The following HS6ST3 variants were observed in gnomAD, a reference collection of about 807,000 sequenced individuals.
The protein encoded by HS6ST3 is heparan-sulfate 6-O-sulfotransferase 3.
A neutral mutation model predicts 36.7 loss-of-function variants in HS6ST3; 12 were observed. That is an observed-to-expected ratio of 0.33 (90% CI 0.21 to 0.53). HS6ST3 has a LOEUF of 0.53. HS6ST3 is among the 20% of genes least tolerant of loss of function. The probability of loss-of-function intolerance (pLI) is 0.95; values close to 1 mark genes in which losing one functional copy is unlikely to be tolerated. For missense variants in HS6ST3, 584 were observed against 640.9 expected, an observed-to-expected ratio of 0.91 and a Z score of 0.96; for synonymous variants, 240 against 257.5, an observed-to-expected ratio of 0.93 and a Z score of 0.65.
At chr13:96,494,304 A>G (rs1219263964) in intron 1 of HS6ST3, among the ~76,000 whole-genome samples, 1 of 150,248 alleles carries the variant, frequency 6.7e-6, no homozygotes, top group Admixed American at 6.7e-5. Flanking sequence ...CAAAAAACCA[A>G]ACACCGCCTG....
At chr13:96,253,156 T>C (rs933297567) in intron 1 of HS6ST3, among the ~76,000 whole-genome samples, 1 of 151,940 alleles carries the variant, frequency 6.6e-6, no homozygotes, top group African/African-American at 2.4e-5. Flanking sequence ...TGGGTGGGCC[T>C]CTTGGTGGAG....
intron 1 of HS6ST3, among the ~76,000 whole-genome samples, chr13:96,775,868 C>CA (rs1877376425): frequency 6.6e-6 from 1 of 152,086 alleles, no homozygotes; most frequent in Non-Finnish European, 1.5e-5. Context: ...CTCTTCACCC[C>CA]AAAATCAAAT....
In HS6ST3 at chr13:96,706,413, T is replaced by TTATATATATATATATATA. The variant is rs3052119; in HGVS notation, c.708-126066_708-126049dup. Among the ~76,000 whole-genome samples, 489 of 120,896 alleles carry TTATATATATATATATATA rather than the reference T, an allele frequency of 4.0e-3. 6 individuals carry two copies. The highest frequency in any genetic ancestry group is 0.012 in the African/African-American group (328 of 28,216). The allele number at this position is 120,896 out of a possible 152,430, so 79.3% of individuals were successfully genotyped here. ...TATATAAAATATAATAGAATATATT[T>TTATATATATATATATATA]TATATATATATATATATATATATAT... On this transcript the variant is annotated intron_variant, in intron 1 of 1. Coordinates refer to ENST00000376705, the MANE Select transcript of HS6ST3 (RefSeq NM_153456.4).
intron 1 of HS6ST3, among the ~76,000 whole-genome samples, chr13:96,801,327 A>G (rs1594863475): frequency 6.6e-6 from 1 of 152,246 alleles, no homozygotes; most frequent in East Asian, 1.9e-4. Context: ...TCAGATAAAA[A>G]TACTCTTATT....
At chr13:96,781,815 T>G (rs1377438164) in intron 1 of HS6ST3, among the ~76,000 whole-genome samples, 1 of 152,248 alleles carries the variant, frequency 6.6e-6, no homozygotes, top group African/African-American at 2.4e-5. Flanking sequence ...ATGATCATGT[T>G]TAGCTAAAAT....
chr13:96,713,475 G>A (rs994290197), intron 1 of HS6ST3, among the ~76,000 whole-genome samples: 1 of 152,112 alleles, frequency 6.6e-6, no homozygotes, highest in Non-Finnish European at 1.5e-5. Context: ...ATGCATTAAA[G>A]CCCATTTTTA....
At chr13:96,290,445 G>A (rs1026853749) in intron 1 of HS6ST3, among the ~76,000 whole-genome samples, 1 of 152,160 alleles carries the variant, frequency 6.6e-6, no homozygotes, top group Non-Finnish European at 1.5e-5. Context: ...ACCCTGACAA[G>A]GTGAGTGACC....
Position 96,833,474 on chromosome 13 carries a change from A to T in HS6ST3, c.*276A>T. On this transcript the variant is annotated 3_prime_UTR_variant, in exon 2 of 2. Coordinates refer to ENST00000376705, the MANE Select transcript of HS6ST3 (RefSeq NM_153456.4). ...AGGCCAAGGAGAGCCACACCGAAAA[A>T]GGAGACAGTTCCTGTGATCTCCTTT... 2.8e-6 allele frequency: 1 copy of T among 354,388 alleles called. No homozygotes were observed. 22.0% of individuals were successfully genotyped at this position (354,388 alleles called of 1,614,324 possible).
intron 1 of HS6ST3, among the ~76,000 whole-genome samples, chr13:96,283,742 C>T (rs73549166): frequency 2.4e-4 from 37 of 152,300 alleles, no homozygotes; most frequent in African/African-American, 8.4e-4. Context: ...TGTTACTCCT[C>T]CTTATGGGAC....
At chr13:96,759,706 T>C (rs934009404) in intron 1 of HS6ST3, among the ~76,000 whole-genome samples, 2 of 152,048 alleles carry the variant, frequency 1.3e-5, no homozygotes, top group Admixed American at 1.3e-4. Context: ...ATGAACTGTT[T>C]GGTAATTTGT....
rs1409624773 is a variant in HS6ST3, at chr13:96,780,407, T to A, written c.708-52083T>A. 2.6e-5 allele frequency among the ~76,000 whole-genome samples: 4 copies of A among 152,270 alleles called. No homozygotes were observed. The East Asian group carries it at 7.7e-4, about 29-fold the overall frequency. Reference sequence around the variant, plus strand: ...CTGGACAAGGCAGTTCTTGACATATTCACTCCAGATAAGACCTCCATATCC... The same window carrying A: ...CTGGACAAGGCAGTTCTTGACATATACACTCCAGATAAGACCTCCATATCC... On this transcript the variant is annotated intron_variant, in intron 1 of 1. Transcript: ENST00000376705.
At chr13:96,350,150 G>A (rs1244371109) in intron 1 of HS6ST3, among the ~76,000 whole-genome samples, 2 of 152,212 alleles carry the variant, frequency 1.3e-5, no homozygotes, top group East Asian at 3.9e-4. Context: ...TATTATTCAT[G>A]TAAATTCTGT....
intron 1 of HS6ST3, among the ~76,000 whole-genome samples, chr13:96,476,320 G>A (rs34359547): frequency 0.053 from 8,042 of 152,184 alleles, 249 homozygotes; most frequent in Middle Eastern, 0.092. Context: ...CAGAGAGCCA[G>A]AGAACTAGAC....
At chr13:96,647,939 GC>G (rs1194046674) in intron 1 of HS6ST3, among the ~76,000 whole-genome samples, 1 of 151,866 alleles carries the variant, frequency 6.6e-6, no homozygotes, top group Non-Finnish European at 1.5e-5. Context: ...CCTACATCTT[GC>G]CTTTGGTTTT....
intron 1 of HS6ST3, among the ~76,000 whole-genome samples, chr13:96,113,284 T>G (rs906778157): frequency 4.6e-5 from 7 of 152,210 alleles, no homozygotes; most frequent in African/African-American, 1.7e-4. Flanking sequence ...GAAGCCAGAC[T>G]CAGAGCTGAG....
chr13:96,352,793 T>C (rs1398618023), intron 1 of HS6ST3, among the ~76,000 whole-genome samples: 2 of 152,206 alleles, frequency 1.3e-5, no homozygotes, highest in East Asian at 3.9e-4. Context: ...ATTAAACACG[T>C]AGTCTTTACC....
chr13:96,190,426 G>C (rs1417359931), intron 1 of HS6ST3, among the ~76,000 whole-genome samples: 2 of 152,072 alleles, frequency 1.3e-5, no homozygotes, highest in Non-Finnish European at 2.9e-5. Context: ...TACCTCTCTA[G>C]TACCTCATAT....
chr13:96,767,479 T>G (rs1329359933), intron 1 of HS6ST3, among the ~76,000 whole-genome samples: 3 of 152,246 alleles, frequency 2.0e-5, no homozygotes, highest in Non-Finnish European at 4.4e-5. Context: ...GTATGTGTTG[T>G]GTAGGGTAGT....
At chr13:96,728,480 G>A (rs908391599) in intron 1 of HS6ST3, among the ~76,000 whole-genome samples, 17 of 152,126 alleles carry the variant, frequency 1.1e-4, no homozygotes, top group African/African-American at 4.1e-4. Flanking sequence ...TATAAGAAAT[G>A]TTTTTTCTAA....
Sources: gnomAD v4.1 joint callset for allele counts (sites outside exome capture counted in the v4.1 genomes callset) on GRCh38, gnomAD v4.1.1 for gene constraint, MANE v1.5 for transcripts, NCBI Gene and HGNC (gene_info 2026-07-23, HGNC 2026-07-21) for gene names.